Variants in ZNF276 observed in about 807,000 individuals in gnomAD.
ZNF276 encodes zinc finger protein 276, also known as centromere protein Z.
Under a neutral mutation model 63.9 loss-of-function variants are expected in ZNF276, and 59 were observed. The observed-to-expected ratio is 0.92, with a 90% CI of 0.75 to 1.15. The LOEUF (loss-of-function observed/expected upper bound fraction) is 1.15. Among genes scored for constraint, ZNF276 ranks in the 50% most tolerant of loss-of-function variants. The pLI, the probability that ZNF276 is intolerant of heterozygous loss-of-function variation, is 0.00. For synonymous variants in ZNF276, 496 were observed against 348.4 expected (o/e 1.42, Z -4.72); for missense variants, 1,084 against 843.8 (o/e 1.28, Z -3.53).
At chr16:89,722,897 G>A (rs916034053) in intron 2 of ZNF276, 63 bp downstream of exon 2, 258 of 1,568,122 alleles carry the variant, frequency 1.6e-4, no homozygotes, top group Non-Finnish European at 2.1e-4. Context: ...CGGGTGTTGA[G>A]AGAGGGACAG....
intron 2 of ZNF276, 109 bp from the exon 3 acceptor site, chr16:89,723,028 G>A: frequency 6.2e-7 from 1 of 1,603,960 alleles, no homozygotes; most frequent in Non-Finnish European, 8.5e-7. Context: ...GGAAGAGAAA[G>A]TTGCCTATGG....
In ZNF276 at chr16:89,739,716, C is replaced by A; in HGVS notation, c.*1470C>A. ...AGGATACCCAGGTACCTGTCAGCAG[C>A]TGGGAGAGGATGGGGGGGTCGACCT... On this transcript the variant is annotated 3_prime_UTR_variant, in exon 11 of 11. Transcript: ENST00000443381. 1 of 1,509,520 alleles carries A rather than the reference C, an allele frequency of 6.6e-7. No homozygotes were observed. Among genetic ancestry groups the A allele is most frequent in the Non-Finnish European group, 8.9e-7 (1 of 1,129,010 alleles). 93.5% of individuals were successfully genotyped at this position (1,509,520 alleles called of 1,614,324 possible).
intron 4 of ZNF276, among the ~76,000 whole-genome samples, chr16:89,726,019 A>G (rs757642978): frequency 3.9e-5 from 6 of 152,080 alleles, no homozygotes; most frequent in Non-Finnish European, 5.9e-5. Flanking sequence ...CCGAGAGAAC[A>G]GTATTATTTA....
At chr16:89,720,730 C>G, upstream of ZNF276, 1 of 1,418,792 alleles carries the variant, frequency 7.0e-7, no homozygotes, top group African/African-American at 1.5e-5. Context: ...GGGCCACCCT[C>G]AGCGGCCAAG....
intron 6 of ZNF276, 179 bp from the exon 7 acceptor site, chr16:89,733,123 G>A: frequency 1.6e-6 from 1 of 639,500 alleles, no homozygotes; most frequent in East Asian, 2.8e-5. Flanking sequence ...GCTCGCCCCT[G>A]AGGCCTCCTG....
intron 8 of ZNF276, 60 bp from the exon 9 acceptor site, chr16:89,733,861 G>T (rs2061760087): frequency 6.5e-7 from 1 of 1,533,294 alleles, no homozygotes; most frequent in Non-Finnish European, 9.0e-7. Context: ...ACCTACTGAG[G>T]GCTCGTGCCA....
rs2151711547 is a variant in ZNF276, at chr16:89,739,121, C to T, written c.*875C>T. On this transcript the variant is annotated 3_prime_UTR_variant, in exon 11 of 11. Coordinates refer to ENST00000443381, the MANE Select transcript of ZNF276 (RefSeq NM_001113525.2). Reference sequence around the variant, plus strand: ...GAGCTCCCCTGGAGGTGGGACTGGCCCTTGCACCTGCCTGACCCTTGAGCT... The same window carrying T: ...GAGCTCCCCTGGAGGTGGGACTGGCTCTTGCACCTGCCTGACCCTTGAGCT... The T allele has an allele frequency of 6.2e-7, 1 of 1,614,122 alleles. No homozygotes were observed. Among genetic ancestry groups the T allele is most frequent in the Non-Finnish European group, 8.5e-7 (1 of 1,180,014 alleles).
chr16:89,728,558 A>T lies in ZNF276; in HGVS notation c.1086-677A>T, dbSNP rs559502651. On this transcript the variant is annotated intron_variant, in intron 5 of 10. Transcript: ENST00000443381. ...GCTGGGACTACAGGCACCCGCCACC[A>T]CGCCCGGCTAATTTTTTGTATTTTT... Among the ~76,000 whole-genome samples the T allele has an allele frequency of 2.0e-5, 3 of 152,036 alleles. No individual in the cohort carries two copies. In the East Asian group the frequency reaches 5.8e-4, roughly 29 times the overall value.
In ZNF276 at chr16:89,738,660, G is replaced by A. The variant is rs760722877; in HGVS notation, c.*414G>A. 5 of 1,613,568 alleles carry A rather than the reference G, an allele frequency of 3.1e-6. No homozygotes were observed. In the Admixed American group the frequency reaches 6.7e-5, roughly 22 times the overall value. ...TCAGGGGCAGCCTGCTGTCTGCTCTGGAGGGCGGCGCTCACCTCTGGGTCG... is the reference window on the plus strand; with the variant it reads ...TCAGGGGCAGCCTGCTGTCTGCTCTAGAGGGCGGCGCTCACCTCTGGGTCG... On this transcript the variant is annotated 3_prime_UTR_variant, in exon 11 of 11. Transcript: ENST00000443381.
chr16:89,721,943 C>G, intron 1 of ZNF276, 98 bp downstream of exon 1: 2 of 863,328 alleles, frequency 2.3e-6, no homozygotes, highest in South Asian at 5.9e-5. Context: ...GGCCTCTCCT[C>G]CACCCGGCCA....
chr16:89,736,778 G>A (rs1180132859), intron 9 of ZNF276, among the ~76,000 whole-genome samples: 2 of 108,738 alleles, frequency 1.8e-5, no homozygotes, highest in Non-Finnish European at 3.4e-5. Flanking sequence ...CTGGGCAACA[G>A]AGCAAGACCC....
At chr16:89,732,745 G>A in intron 6 of ZNF276, 1 of 185,596 alleles carries the variant, frequency 5.4e-6, no homozygotes, top group South Asian at 5.6e-5. Flanking sequence ...TGACCCTGCT[G>A]TACCATGCCC....
chr16:89,735,930 C>G (rs188323440), intron 9 of ZNF276, among the ~76,000 whole-genome samples: 1 of 147,726 alleles, frequency 6.8e-6, no homozygotes, highest in Non-Finnish European at 1.5e-5. Flanking sequence ...TTGCTCTTGT[C>G]GCCCAGGCTG....
intron 8 of ZNF276, 82 bp from the exon 9 acceptor site, chr16:89,733,839 G>A: frequency 5.4e-6 from 7 of 1,291,610 alleles, no homozygotes; most frequent in South Asian, 1.2e-5. Flanking sequence ...CCTTCCAGGG[G>A]CCTCAGCTGT....
chr16:89,737,938 G>T (rs1166127274), intron 10 of ZNF276, 33 bp downstream of exon 10: 1 of 1,613,788 alleles, frequency 6.2e-7, no homozygotes, highest in African/African-American at 1.3e-5. Context: ...TCCCAGGGCT[G>T]TGGCCCTCGC....
In ZNF276 at chr16:89,738,354, C is replaced by T. The variant is rs2062020140; in HGVS notation, c.*108C>T. On this transcript the variant is annotated 3_prime_UTR_variant, in exon 11 of 11. Coordinates refer to ENST00000443381, the MANE Select transcript of ZNF276 (RefSeq NM_001113525.2). ...GGGAGGGTCGGAGGGTGCTGCCCGCCCTTGGTGCTGGAGGCGGGCTTGGTG... is the reference window on the plus strand; with the variant it reads ...GGGAGGGTCGGAGGGTGCTGCCCGCTCTTGGTGCTGGAGGCGGGCTTGGTG... The T allele has an allele frequency of 1.4e-6, 2 of 1,475,728 alleles. No individual in the cohort carries two copies. The highest frequency in any genetic ancestry group is 1.8e-6 in the Non-Finnish European group (2 of 1,109,054). 91.4% of individuals were successfully genotyped at this position (1,475,728 alleles called of 1,614,324 possible).
In ZNF276 at chr16:89,739,090, T is replaced by C. The variant is rs377636161; in HGVS notation, c.*844T>C. Reference sequence around the variant, plus strand: ...TTCTTTGGCAGAAGGAGCCTCCGGCTGGGGGGAGCTCCCCTGGAGGTGGGA... The same window carrying C: ...TTCTTTGGCAGAAGGAGCCTCCGGCCGGGGGGAGCTCCCCTGGAGGTGGGA... On this transcript the variant is annotated 3_prime_UTR_variant, in exon 11 of 11. Transcript: ENST00000443381. The C allele has an allele frequency of 5.6e-6, 9 of 1,613,870 alleles. No individual in the cohort carries two copies. In the South Asian group the frequency reaches 8.8e-5, roughly 16 times the overall value.
In ZNF276 at chr16:89,733,571, G is replaced by A. The variant is rs372200628; in HGVS notation, c.1356+14G>A. 6 of 1,613,360 alleles carry A rather than the reference G, an allele frequency of 3.7e-6. No individual in the cohort carries two copies. The African/African-American group carries it at 6.7e-5, about 18-fold the overall frequency. Reference sequence around the variant, plus strand: ...GACGGCATGAAGGTGAGCACTGGCTGTGCCTGACCCAGGCCCGGCAGCTGT... The same window carrying A: ...GACGGCATGAAGGTGAGCACTGGCTATGCCTGACCCAGGCCCGGCAGCTGT... On this transcript the variant is annotated intron_variant, in intron 8 of 10. Coordinates refer to ENST00000443381, the MANE Select transcript of ZNF276 (RefSeq NM_001113525.2).
chr16:89,726,594 G>A (rs2061477996), intron 4 of ZNF276, among the ~76,000 whole-genome samples: 1 of 151,976 alleles, frequency 6.6e-6, no homozygotes, highest in African/African-American at 2.4e-5. Flanking sequence ...GCCTCCCAAA[G>A]TGCTGGGATT....
Sources: allele counts gnomAD v4.1 joint callset (sites outside exome capture counted in the v4.1 genomes callset), GRCh38; gene constraint gnomAD v4.1.1; transcripts MANE v1.5; gene names NCBI Gene and HGNC (gene_info 2026-07-23, HGNC 2026-07-21).